ARVCF: variants seen among roughly 807,000 people sequenced by gnomAD.
The protein encoded by ARVCF is splicing regulator ARVCF.
ARVCF carries 66 observed loss-of-function variants against 90.9 expected under a neutral mutation model. The ratio of observed to expected loss-of-function variants is 0.73; its 90% CI spans 0.60 to 0.89. The LOEUF is 0.89. ARVCF is among the 40% of genes least tolerant of loss of function. ARVCF has a pLI of 0.00. For synonymous variants in ARVCF, 653 were observed against 603.4 expected (o/e 1.08, Z -1.21); for missense variants, 1,469 against 1,382.3 (o/e 1.06, Z -1.00).
intron 3 of ARVCF, chr22:19,987,095 G>T: frequency 1.7e-6 from 1 of 586,790 alleles, no homozygotes; most frequent in Non-Finnish European, 3.1e-6. Flanking sequence ...GGCCGGCATC[G>T]GGCCGGGACT....
chr22:19,971,951 G>A lies in ARVCF; in HGVS notation c.2716C>T (p.Arg906Trp), dbSNP rs1942829734. 3.1e-6 allele frequency: 5 copies of A among 1,611,432 alleles called. No individual in the cohort carries two copies. The East Asian group carries it at 6.7e-5, about 22-fold the overall frequency. ...GCGCCCCGTGGCCTCCGCTCCCTCC[G>A]GTCCACCGTGGAGTATCCGTCTGTA... ...LGPDGYSTVD[R>W]RERRPRGASS... Residue 906 changes from arginine to tryptophan, a missense_variant, in exon 18 of 20, where the codon CGG (arginine) becomes TGG (tryptophan). Coordinates refer to ENST00000263207, the MANE Select transcript of ARVCF (RefSeq NM_001670.3).
intron 13 of ARVCF, 96 bp from the exon 14 acceptor site, chr22:19,973,413 C>T: frequency 1.4e-6 from 2 of 1,422,352 alleles, no homozygotes; most frequent in Non-Finnish European, 1.9e-6. Context: ...GCCAGGAGAG[C>T]CCCTGGAGAC....
At chr22:20,003,297 A>C (rs1223544255) in intron 2 of ARVCF, among the ~76,000 whole-genome samples, 3 of 152,216 alleles carry the variant, frequency 2.0e-5, no homozygotes, top group Non-Finnish European at 2.9e-5. Context: ...TAATTTTAAC[A>C]CCAATCGTCC....
intron 2 of ARVCF, among the ~76,000 whole-genome samples, chr22:20,002,453 G>A (rs1294768006): frequency 1.3e-5 from 2 of 152,124 alleles, no homozygotes; most frequent in Non-Finnish European, 2.9e-5. Context: ...TGATAAAAAA[G>A]AGCTGACAGC....
At chr22:19,992,952 C>A (rs1056648613) in intron 2 of ARVCF, among the ~76,000 whole-genome samples, 2 of 152,164 alleles carry the variant, frequency 1.3e-5, no homozygotes, top group African/African-American at 4.8e-5. Context: ...GGGAAGGTGA[C>A]CAAACCCCAC....
downstream of ARVCF, chr22:19,965,432 CTT>C (rs1397938926): frequency 6.6e-6 from 1 of 152,254 alleles, no homozygotes; most frequent in Non-Finnish European, 1.5e-5. Flanking sequence ...ACCTCCACCT[CTT>C]GGGTTCAAGC....
intron 2 of ARVCF, among the ~76,000 whole-genome samples, chr22:19,999,147 T>C (rs917014600): frequency 1.3e-5 from 2 of 152,168 alleles, no homozygotes; most frequent in African/African-American, 4.8e-5. Context: ...CTCCCAGCCC[T>C]GGAGCCCCTC....
rs776863765 is a variant in ARVCF, at chr22:19,973,656, G to A, written c.2226C>T (p.Asn742=). Residue 742 remains asparagine, a synonymous_variant, in exon 13 of 20, where the codon AAC becomes AAT. Transcript: ENST00000263207. ...ALRNLSLDRR[N]KDLIGSYAMA... is the part of the protein sequence containing the mutation. ...AGGCGTCCTCACCGATGAGGTCTTTGTTGCGCCGGTCCAGCGAGAGGTTGC... is the reference window on the plus strand; with the variant it reads ...AGGCGTCCTCACCGATGAGGTCTTTATTGCGCCGGTCCAGCGAGAGGTTGC... The A allele has an allele frequency of 6.2e-7, 1 of 1,608,832 alleles. No homozygotes were observed. The highest frequency in any genetic ancestry group is 1.1e-5 in the South Asian group (1 of 90,982).
At chr22:19,986,426 C>T (rs1386669985) in intron 3 of ARVCF, among the ~76,000 whole-genome samples, 1 of 152,212 alleles carries the variant, frequency 6.6e-6, no homozygotes, top group East Asian at 1.9e-4. Flanking sequence ...ATGCCTCCCC[C>T]CACCTCAATG....
At chr22:19,972,660 T>C (rs1199747749) in intron 16 of ARVCF, 77 bp downstream of exon 16, 3 of 1,458,618 alleles carry the variant, frequency 2.1e-6, no homozygotes, top group African/African-American at 1.4e-5. Flanking sequence ...GACTCCTCCT[T>C]CACCTTCACC....
chr22:20,005,123 T>G (rs945617872), intron 2 of ARVCF, among the ~76,000 whole-genome samples: 1 of 152,100 alleles, frequency 6.6e-6, no homozygotes, highest in Non-Finnish European at 1.5e-5. Flanking sequence ...GAGAAAAGAT[T>G]TGTAAATCAT....
At chr22:19,979,182 G>A in intron 6 of ARVCF, 102 bp from the exon 7 acceptor site, 1 of 1,277,262 alleles carries the variant, frequency 7.8e-7, no homozygotes, top group Non-Finnish European at 1.1e-6. Flanking sequence ...TCATGTCCCA[G>A]CTCATGCAGA....
At chr22:19,973,066 G>GCCCC in intron 14 of ARVCF, 30 bp from the exon 15 acceptor site, 5 of 1,604,262 alleles carry the variant, frequency 3.1e-6, no homozygotes, top group Non-Finnish European at 3.4e-6. Context: ...GTCAGTGGTG[G>GCCCC]CCCCTCCCCC....
At chr22:19,999,833 C>T (rs1183983488) in intron 2 of ARVCF, among the ~76,000 whole-genome samples, 3 of 152,128 alleles carry the variant, frequency 2.0e-5, no homozygotes, top group Admixed American at 2.0e-4. Context: ...GACAGAACCA[C>T]CGGCACCTTC....
chr22:19,973,248 C>G lies in ARVCF; in HGVS notation c.2309G>C (p.Cys770Ser), dbSNP rs545917955. ...CGCCACCACGGTGTCTTCCTCCAGG[C>G]AGGCCCCCGGTCGCGGCGGAGCCTG... ...NAQAPPRPGA[C>S]LEEDTVVAVL... is the part of the protein sequence containing the mutation. The change falls in exon 14 of 20, where the codon TGC becomes TCC. Residue 770 changes from cysteine (C) to serine (S), a missense_variant. Cys to Ser is a moderately radical substitution (Grantham distance 112). Coordinates refer to ENST00000263207, the MANE Select transcript of ARVCF (RefSeq NM_001670.3). 6.2e-7 allele frequency: 1 copy of G among 1,610,284 alleles called. No individual in the cohort carries two copies. Among genetic ancestry groups the G allele is most frequent in the African/African-American group, 1.3e-5 (1 of 74,896 alleles).
rs202161313 is a variant in ARVCF at position 19,981,692 on chromosome 22, C to A, written c.415G>T (p.Val139Leu). Residue 139 changes from valine to leucine, a missense_variant, in exon 5 of 20, where the codon GTG becomes TTG. Coordinates refer to ENST00000263207, the MANE Select transcript of ARVCF (RefSeq NM_001670.3). ...KTVTTRTVRQ[V>L]PVGPDGLPLL... ...GGGAGTCCATCTGGGCCCACGGGCA[C>A]CTGGCGTACTGTCCGAGTGGTCACC... The A allele has an allele frequency of 1.9e-6, 3 of 1,596,982 alleles. No individual in the cohort carries two copies. The highest frequency in any genetic ancestry group is 1.7e-4 in the Middle Eastern group (1 of 5,992).
chr22:19,975,638 GAGC>G (rs1569152863), intron 11 of ARVCF, 45 bp downstream of exon 11: 1 of 1,606,210 alleles, frequency 6.2e-7, no homozygotes, highest in Non-Finnish European at 8.5e-7. Flanking sequence ...GGGCAATCCT[GAGC>G]CCAGACATCC....
chr22:19,997,082 T>C (rs1944281062), intron 2 of ARVCF, among the ~76,000 whole-genome samples: 1 of 152,176 alleles, frequency 6.6e-6, no homozygotes, highest in Non-Finnish European at 1.5e-5. Context: ...AAAGCTACAC[T>C]GGCCAGCCCC....
chr22:19,967,469 G>A (rs1012111730), downstream of ARVCF: 17 of 454,658 alleles, frequency 3.7e-5, no homozygotes, highest in African/African-American at 1.8e-4. Flanking sequence ...CCTTGGGGCT[G>A]TCCCCTGACC....
Sources: gnomAD v4.1 joint callset for allele counts (sites outside exome capture counted in the v4.1 genomes callset) on GRCh38, gnomAD v4.1.1 for gene constraint, MANE v1.5 for transcripts, NCBI Gene and HGNC (gene_info 2026-07-23, HGNC 2026-07-21) for gene names.